LANCL2: variants seen among roughly 807,000 people sequenced by gnomAD.
The protein encoded by LANCL2 is lanC-like protein 2.
In LANCL2, 33 loss-of-function variants were observed where a neutral mutation model predicts 56.9. That is an observed-to-expected ratio of 0.58 (90% confidence interval 0.44 to 0.78). LANCL2 has a LOEUF of 0.78. Ranked by LOEUF, LANCL2 falls within the 30% of genes least tolerant of loss-of-function variation. LANCL2 has a pLI of 0.00. For missense variants in LANCL2, 562 were observed against 580.2 expected, an observed-to-expected ratio of 0.97 and a Z score of 0.32; for synonymous variants, 233 against 228.2, an observed-to-expected ratio of 1.02 and a Z score of -0.19.
At chr7:55,387,427 G>C (rs1423600188) in intron 1 of LANCL2, among the ~76,000 whole-genome samples, 1 of 152,136 alleles carries the variant, frequency 6.6e-6, no homozygotes, top group Non-Finnish European at 1.5e-5. Context: ...CTGCAGAAGA[G>C]AGTTACTATC....
intron 5 of LANCL2, among the ~76,000 whole-genome samples, chr7:55,408,033 CAAAG>C (rs1790429999): frequency 6.6e-6 from 1 of 152,070 alleles, no homozygotes; most frequent in Admixed American, 6.6e-5. Flanking sequence ...GAAATAAAAA[CAAAG>C]AGAAAGCAGG....
At chr7:55,422,395 T>C (rs1420392525) in intron 6 of LANCL2, among the ~76,000 whole-genome samples, 1 of 152,236 alleles carries the variant, frequency 6.6e-6, no homozygotes, top group Non-Finnish European at 1.5e-5. Flanking sequence ...ACTATTCTCT[T>C]GTATGGAACA....
intron 8 of LANCL2, 144 bp from the exon 9 acceptor site, chr7:55,431,082 T>C (rs1477853460): frequency 2.2e-6 from 1 of 459,796 alleles, no homozygotes; most frequent in South Asian, 6.6e-5. Context: ...TAAGGATATC[T>C]TTGGTTTTTA....
intron 5 of LANCL2, among the ~76,000 whole-genome samples, chr7:55,402,854 G>A (rs1220237123): frequency 6.7e-6 from 1 of 148,512 alleles, no homozygotes; most frequent in African/African-American, 2.5e-5. Flanking sequence ...CGGCAGGGCA[G>A]AGGCGCTCCC....
intron 6 of LANCL2, among the ~76,000 whole-genome samples, chr7:55,418,520 A>G (rs1790570644): frequency 6.6e-6 from 1 of 152,188 alleles, no homozygotes; most frequent in East Asian, 1.9e-4. Context: ...TCTGTGCTAA[A>G]TTCACGTATC....
chr7:55,408,897 G>T (rs1394063946), intron 5 of LANCL2, among the ~76,000 whole-genome samples: 1 of 149,116 alleles, frequency 6.7e-6, no homozygotes, highest in Admixed American at 6.7e-5. Context: ...CAGGAGAATT[G>T]CTTGAACCCA....
intron 8 of LANCL2, among the ~76,000 whole-genome samples, chr7:55,430,813 G>T (rs1317039728): frequency 6.6e-6 from 1 of 152,136 alleles, no homozygotes; most frequent in African/African-American, 2.4e-5. Context: ...TGGGGATTTT[G>T]ACCAAATTGA....
intron 1 of LANCL2, among the ~76,000 whole-genome samples, chr7:55,373,536 TCTC>T (rs1789968869): frequency 6.6e-6 from 1 of 152,022 alleles, no homozygotes; most frequent in African/African-American, 2.4e-5. Context: ...CCCAAGCAAT[TCTC>T]CTGTCCTGCC....
chr7:55,415,329 C>T (rs1230133184), intron 6 of LANCL2, among the ~76,000 whole-genome samples: 3 of 152,248 alleles, frequency 2.0e-5, no homozygotes, highest in Non-Finnish European at 2.9e-5. Context: ...AGCATCACTG[C>T]TTGTGCCCAC....
intron 5 of LANCL2, among the ~76,000 whole-genome samples, chr7:55,410,690 C>T (rs1177466755): frequency 2.6e-5 from 4 of 152,214 alleles, no homozygotes; most frequent in African/African-American, 9.6e-5. Context: ...TAACATGTCA[C>T]TTTAAAGACA....
chr7:55,424,371 G>A (rs1790639948), intron 6 of LANCL2, among the ~76,000 whole-genome samples: 1 of 152,160 alleles, frequency 6.6e-6, no homozygotes, highest in Non-Finnish European at 1.5e-5. Flanking sequence ...AGAAAGCTTT[G>A]TGCCAGCTTC....
intron 1 of LANCL2, among the ~76,000 whole-genome samples, chr7:55,381,906 T>C (rs2128991868): frequency 6.6e-6 from 1 of 152,150 alleles, no homozygotes; most frequent in African/African-American, 2.4e-5. Flanking sequence ...ACAAATGAGG[T>C]TTGTGATGTA....
At chr7:55,425,517 T>C in intron 7 of LANCL2, 87 bp downstream of exon 7, 2 of 1,230,178 alleles carry the variant, frequency 1.6e-6, no homozygotes, top group Admixed American at 2.1e-5. Flanking sequence ...CTGTTCCTTC[T>C]TTTAACCTGT....
intron 1 of LANCL2, among the ~76,000 whole-genome samples, chr7:55,389,455 G>A (rs942713424): frequency 2.0e-5 from 3 of 152,214 alleles, no homozygotes; most frequent in Non-Finnish European, 4.4e-5. Flanking sequence ...GAAAGTGAAT[G>A]GATGGCCAAG....
chr7:55,367,614 A>G (rs2128990502), intron 1 of LANCL2, among the ~76,000 whole-genome samples: 1 of 152,288 alleles, frequency 6.6e-6, no homozygotes, highest in Non-Finnish European at 1.5e-5. Context: ...CTGTTCAGCT[A>G]CTCAGGAGGC....
intron 1 of LANCL2, among the ~76,000 whole-genome samples, chr7:55,377,900 G>A (rs1035694837): frequency 6.6e-6 from 1 of 152,194 alleles, no homozygotes; most frequent in African/African-American, 2.4e-5. Flanking sequence ...AGTGAAGGCT[G>A]TAAGTCCTGA....
chr7:55,413,210 C>T (rs764089915), intron 6 of LANCL2, among the ~76,000 whole-genome samples: 1 of 152,210 alleles, frequency 6.6e-6, no homozygotes, highest in Non-Finnish European at 1.5e-5. Context: ...GTTCAAATCA[C>T]TGCCTCCCTT....
chr7:55,393,404 G>A (rs1562861544), intron 2 of LANCL2, among the ~76,000 whole-genome samples: 1 of 152,096 alleles, frequency 6.6e-6, no homozygotes, highest in Non-Finnish European at 1.5e-5. Context: ...TAGTGGCATG[G>A]GCCTATAGTC....
At chr7:55,408,118 C>T (rs1305700210) in intron 5 of LANCL2, among the ~76,000 whole-genome samples, 2 of 152,112 alleles carry the variant, frequency 1.3e-5, no homozygotes, top group African/African-American at 2.4e-5. Context: ...GAAGCTGTTG[C>T]ATCCAAGAAA....
Sources: gnomAD v4.1 joint callset for allele counts (sites outside exome capture counted in the v4.1 genomes callset) on GRCh38, gnomAD v4.1.1 for gene constraint, MANE v1.5 for transcripts, NCBI Gene and HGNC (gene_info 2026-07-23, HGNC 2026-07-21) for gene names.